DHDDS: variants seen among roughly 807,000 people sequenced by gnomAD.
DHDDS encodes dehydrodolichyl diphosphate synthase complex subunit DHDDS.
DHDDS carries 16 observed loss-of-function variants against 46.2 expected under a neutral mutation model. The ratio of observed to expected loss-of-function variants is 0.35; its 90% CI spans 0.23 to 0.53. The LOEUF is 0.53. Ranked by LOEUF, DHDDS falls within the 20% of genes least tolerant of loss-of-function variation. The pLI is 0.94. For synonymous variants in DHDDS, 151 were observed against 163.1 expected (o/e 0.93, Z 0.56); for missense variants, 340 against 423.7 (o/e 0.80, Z 1.73).
chr1:26,462,397 A>G (rs1455216897), intron 8 of DHDDS, among the ~76,000 whole-genome samples: 2 of 152,196 alleles, frequency 1.3e-5, no homozygotes, highest in African/African-American at 4.8e-5. Flanking sequence ...CTTGAGGGGT[A>G]GGGCTGTTTG....
At chr1:26,441,113 C>G (rs1025455717) in intron 3 of DHDDS, among the ~76,000 whole-genome samples, 1 of 151,472 alleles carries the variant, frequency 6.6e-6, no homozygotes, top group Non-Finnish European at 1.5e-5. Flanking sequence ...TTAGTAGAGA[C>G]GGGGTTTCAC....
intron 6 of DHDDS, among the ~76,000 whole-genome samples, chr1:26,457,520 A>G (rs2075381979): frequency 6.6e-6 from 1 of 150,994 alleles, no homozygotes; most frequent in Non-Finnish European, 1.5e-5. Flanking sequence ...CATGTCAAAA[A>G]AGGCAAAAAA....
chr1:26,469,244 G>A lies in DHDDS; in HGVS notation c.*113G>A. The A allele has an allele frequency of 6.3e-7, 1 of 1,584,970 alleles. No individual in the cohort carries two copies. The highest frequency in any genetic ancestry group is 8.5e-7 in the Non-Finnish European group (1 of 1,171,354). ...CCTGATAATGAATGGTGTTCCCTTT[G>A]CTTGGCTGGGGAGCCCCCCAGGCCA... On this transcript the variant is annotated 3_prime_UTR_variant, in exon 9 of 9. Coordinates refer to ENST00000236342, the MANE Select transcript of DHDDS (RefSeq NM_205861.3).
chr1:26,434,516 G>A (rs1391913103), intron 2 of DHDDS, among the ~76,000 whole-genome samples: 1 of 152,162 alleles, frequency 6.6e-6, no homozygotes, highest in African/African-American at 2.4e-5. Context: ...ATGTGAGACA[G>A]AAGTAGAAAA....
intron 2 of DHDDS, among the ~76,000 whole-genome samples, chr1:26,435,217 G>A (rs2075142012): frequency 6.6e-6 from 1 of 151,152 alleles, no homozygotes; most frequent in African/African-American, 2.4e-5. Context: ...TCACCATTTT[G>A]GCCAGGCTGG....
intron 8 of DHDDS, among the ~76,000 whole-genome samples, chr1:26,460,812 T>A (rs1032730476): frequency 6.6e-6 from 1 of 152,206 alleles, no homozygotes; most frequent in Admixed American, 6.5e-5. Context: ...ATTTTTCATA[T>A]ATGGAACCAG....
chr1:26,467,467 C>A (rs1304346911), intron 8 of DHDDS: 2 of 397,090 alleles, frequency 5.0e-6, no homozygotes, highest in African/African-American at 2.1e-5. Flanking sequence ...GGGGACAGTC[C>A]AGAATTCTCA....
chr1:26,458,795 G>A (rs1557447998), intron 7 of DHDDS, among the ~76,000 whole-genome samples: 1 of 151,662 alleles, frequency 6.6e-6, no homozygotes, highest in Non-Finnish European at 1.5e-5. Context: ...TTGGTTCTGT[G>A]GCCCACTGTG....
At chr1:26,455,855 CAT>C (rs2075365666) in intron 6 of DHDDS, among the ~76,000 whole-genome samples, 2 of 152,210 alleles carry the variant, frequency 1.3e-5, no homozygotes, top group Admixed American at 1.3e-4. Context: ...CGTCCAGAAA[CAT>C]GTTCCCACCA....
rs142266320 is a variant in DHDDS at position 26,438,709 on chromosome 1, G to A, written c.180+425G>A. 16 of 171,320 alleles carry A rather than the reference G, an allele frequency of 9.3e-5. No homozygotes were observed. The East Asian group carries it at 2.4e-3, about 26-fold the overall frequency. The allele number at this position is 171,320 out of a possible 1,614,324, so 10.6% of individuals were successfully genotyped here. Reference sequence around the variant, plus strand: ...CCCCTGTACTCTAGCCTGGGTGACAGAGTGACACCATCTCAAGAAAAAAAA... The same window carrying A: ...CCCCTGTACTCTAGCCTGGGTGACAAAGTGACACCATCTCAAGAAAAAAAA... On this transcript the variant is annotated intron_variant, in intron 3 of 8. Coordinates refer to ENST00000236342, the MANE Select transcript of DHDDS (RefSeq NM_205861.3).
intron 3 of DHDDS, 22 bp downstream of exon 3, chr1:26,438,306 C>T (rs748576710): frequency 1.9e-6 from 3 of 1,599,002 alleles, no homozygotes; most frequent in East Asian, 4.5e-5. Context: ...TGGCAGAGCC[C>T]AAAGTGAACA....
At chr1:26,450,531 G>T (rs1309363765) in intron 6 of DHDDS, among the ~76,000 whole-genome samples, 1 of 152,148 alleles carries the variant, frequency 6.6e-6, no homozygotes, top group African/African-American at 2.4e-5. Flanking sequence ...GGGTAGAGGA[G>T]AATAAGCTTT....
intron 1 of DHDDS, chr1:26,432,578 CGG>C (rs2075114971): frequency 3.2e-6 from 1 of 309,112 alleles, no homozygotes; most frequent in Non-Finnish European, 6.3e-6. Context: ...AAGGAAGAAA[CGG>C]GGAATGATCA....
chr1:26,458,024 G>A (rs2075387863), intron 7 of DHDDS, 119 bp downstream of exon 7: 1 of 838,994 alleles, frequency 1.2e-6, no homozygotes, highest in African/African-American at 1.7e-5. Flanking sequence ...TACTTCTGGG[G>A]AAAGCTAAAA....
chr1:26,442,498 A>G (rs1016684373), intron 3 of DHDDS, among the ~76,000 whole-genome samples: 2 of 152,202 alleles, frequency 1.3e-5, no homozygotes, highest in Non-Finnish European at 2.9e-5. Flanking sequence ...GTAGTGCACA[A>G]TGCCATCAGC....
intron 5 of DHDDS, 90 bp downstream of exon 5, chr1:26,446,522 G>T: frequency 7.8e-7 from 1 of 1,280,040 alleles, no homozygotes; most frequent in Non-Finnish European, 1.1e-6. Flanking sequence ...CCTTGGTCTG[G>T]ATTGGTGCAA....
intron 7 of DHDDS, among the ~76,000 whole-genome samples, chr1:26,458,737 C>G (rs1197570378): frequency 1.4e-5 from 1 of 71,694 alleles, no homozygotes; most frequent in Non-Finnish European, 2.7e-5. Flanking sequence ...GACTCTGTCG[C>G]AAAAAAAAAA....
At chr1:26,463,224 G>A (rs1342446815) in intron 8 of DHDDS, among the ~76,000 whole-genome samples, 2 of 152,246 alleles carry the variant, frequency 1.3e-5, no homozygotes, top group African/African-American at 2.4e-5. Flanking sequence ...TAGTCCAGGT[G>A]AGAGAGGATG....
intron 8 of DHDDS, among the ~76,000 whole-genome samples, chr1:26,460,581 T>G (rs1052602002): frequency 1.3e-5 from 2 of 152,342 alleles, no homozygotes; most frequent in Admixed American, 1.3e-4. Flanking sequence ...AGCATTGTCT[T>G]TCCATTGTGT....
Sources: gnomAD v4.1 joint callset for allele counts (sites outside exome capture counted in the v4.1 genomes callset) on GRCh38, gnomAD v4.1.1 for gene constraint, MANE v1.5 for transcripts, NCBI Gene and HGNC (gene_info 2026-07-23, HGNC 2026-07-21) for gene names.